Variants in NT5C2 observed in about 807,000 individuals in gnomAD.
NT5C2 encodes cytosolic purine 5'-nucleotidase.
In NT5C2, 58 loss-of-function variants were observed where a neutral mutation model predicts 76.1. The observed-to-expected ratio is 0.76, with a 90% CI of 0.62 to 0.95. The LOEUF is 0.95. Ranked by LOEUF, NT5C2 falls within the 40% of genes least tolerant of loss-of-function variation. The pLI, the probability that NT5C2 is intolerant of heterozygous loss-of-function variation, is 0.00. For missense variants in NT5C2, 478 were observed against 690.3 expected, an observed-to-expected ratio of 0.69 and a Z score of 3.45; for synonymous variants, 229 against 237.4, an observed-to-expected ratio of 0.96 and a Z score of 0.32.
chr10:103,192,965 T>C (rs1396710630), intron 1 of NT5C2, among the ~76,000 whole-genome samples: 1 of 151,814 alleles, frequency 6.6e-6, no homozygotes, highest in African/African-American at 2.4e-5. Flanking sequence ...GAGCGTGACG[T>C]GGGCCGGAGG....
At chr10:103,177,380 G>A (rs1402854990) in intron 2 of NT5C2, among the ~76,000 whole-genome samples, 1 of 152,132 alleles carries the variant, frequency 6.6e-6, no homozygotes, top group Non-Finnish European at 1.5e-5. Context: ...TTTCAAATAA[G>A]GATGAAAAAT....
intron 3 of NT5C2, among the ~76,000 whole-genome samples, chr10:103,173,548 C>T (rs1370771921): frequency 6.3e-5 from 9 of 142,794 alleles, no homozygotes; most frequent in Admixed American, 5.9e-4. Flanking sequence ...ACCCGGGAGA[C>T]GGAGCCTGCA....
At chr10:103,110,379 C>A (rs527837807) in intron 4 of NT5C2, among the ~76,000 whole-genome samples, 1 of 152,144 alleles carries the variant, frequency 6.6e-6, no homozygotes, top group Non-Finnish European at 1.5e-5. Flanking sequence ...ATGCTTGAAC[C>A]CAGGAGGCGG....
chr10:103,110,782 C>T (rs928256022), intron 4 of NT5C2, among the ~76,000 whole-genome samples: 7 of 152,164 alleles, frequency 4.6e-5, no homozygotes, highest in African/African-American at 1.7e-4. Context: ...GCAACACAAA[C>T]TCCTTGGTCA....
At chr10:103,181,359 A>C (rs2091049050) in intron 1 of NT5C2, 31 bp from the exon 2 acceptor site, 1 of 143,126 alleles carries the variant, frequency 7.0e-6, no homozygotes, top group South Asian at 2.1e-4. Context: ...ATAATAATTC[A>C]CAGGCAAAAC....
At chr10:103,093,658 A>G (rs2067452561) in intron 14 of NT5C2, 1 of 391,826 alleles carries the variant, frequency 2.6e-6, no homozygotes, top group Non-Finnish European at 4.6e-6. Context: ...ACCTATACCC[A>G]TGGAACTCCT....
chr10:103,189,551 A>T (rs1285695002), intron 1 of NT5C2, among the ~76,000 whole-genome samples: 2 of 150,112 alleles, frequency 1.3e-5, no homozygotes, highest in African/African-American at 4.9e-5. Flanking sequence ...GGCTGCAGTG[A>T]GCCGAGATCG....
chr10:103,147,895 C>T (rs746128623), intron 3 of NT5C2, among the ~76,000 whole-genome samples: 3 of 151,838 alleles, frequency 2.0e-5, no homozygotes, highest in Non-Finnish European at 4.4e-5. Context: ...AATTAGATAG[C>T]GGTATTGGTT....
chr10:103,146,423 T>C (rs2081489326), intron 3 of NT5C2: 2 of 985,336 alleles, frequency 2.0e-6, no homozygotes, highest in Non-Finnish European at 2.4e-6. Flanking sequence ...CTTGGGCATC[T>C]GTTTTCCTTA....
intron 1 of NT5C2, among the ~76,000 whole-genome samples, chr10:103,181,639 T>A (rs996627065): frequency 1.8e-4 from 27 of 152,176 alleles, no homozygotes; most frequent in African/African-American, 5.3e-4. Context: ...CTTAACATAA[T>A]GTTAAGAAAA....
intron 4 of NT5C2, chr10:103,125,076 C>A: frequency 6.0e-6 from 2 of 335,676 alleles, no homozygotes; most frequent in South Asian, 8.1e-5. Context: ...TCTTCACGGT[C>A]TATGATGTCA....
chr10:103,163,354 A>G (rs958901790), intron 3 of NT5C2, among the ~76,000 whole-genome samples: 1 of 152,194 alleles, frequency 6.6e-6, no homozygotes, highest in Non-Finnish European at 1.5e-5. Context: ...AGAAACTGCC[A>G]AACTGTTTTT....
At chr10:103,163,771 C>CT (rs1258645136) in intron 3 of NT5C2, among the ~76,000 whole-genome samples, 1 of 145,992 alleles carries the variant, frequency 6.8e-6, no homozygotes, top group Admixed American at 7.0e-5. Context: ...AATCCCAGCA[C>CT]TTTGGGAGGC....
chr10:103,118,575 G>A (rs989682682), intron 4 of NT5C2, among the ~76,000 whole-genome samples: 1 of 151,916 alleles, frequency 6.6e-6, no homozygotes, highest in Admixed American at 6.6e-5. Flanking sequence ...GCTGGTCCTG[G>A]ACTCCTAGGT....
intron 4 of NT5C2, among the ~76,000 whole-genome samples, chr10:103,123,657 C>A (rs778741724): frequency 6.6e-6 from 1 of 152,036 alleles, no homozygotes; most frequent in Non-Finnish European, 1.5e-5. Flanking sequence ...CAGAGAAATG[C>A]GAAGGAGTGG....
At chr10:103,097,454 T>C (rs2068478227) in intron 10 of NT5C2, 80 bp from the exon 11 acceptor site, 1 of 1,213,854 alleles carries the variant, frequency 8.2e-7, no homozygotes, top group Admixed American at 1.8e-5. Context: ...ACTGGATTTC[T>C]GTCCACAACA....
chr10:103,125,720 G>GA (rs1165680120), intron 4 of NT5C2, among the ~76,000 whole-genome samples: 2 of 151,680 alleles, frequency 1.3e-5, no homozygotes, highest in South Asian at 4.2e-4. Context: ...TTTGCCATTT[G>GA]AAAAAAAACA....
At chr10:103,173,343 C>T (rs546687366) in intron 3 of NT5C2, among the ~76,000 whole-genome samples, 7 of 151,908 alleles carry the variant, frequency 4.6e-5, no homozygotes, top group South Asian at 2.1e-4. Flanking sequence ...CTTGGCCAGG[C>T]GCGGTGGCTC....
At chr10:103,185,370 G>A (rs1350850089) in intron 1 of NT5C2, among the ~76,000 whole-genome samples, 3 of 151,726 alleles carry the variant, frequency 2.0e-5, no homozygotes, top group South Asian at 2.1e-4. Context: ...ATAGGGCAAG[G>A]TGCAGTGGCT....
Sources: allele counts gnomAD v4.1 joint callset (sites outside exome capture counted in the v4.1 genomes callset), GRCh38; gene constraint gnomAD v4.1.1; transcripts MANE v1.5; gene names NCBI Gene and HGNC (gene_info 2026-07-23, HGNC 2026-07-21).